The following CDH11 variants were observed in gnomAD, a reference collection of about 807,000 sequenced individuals.
CDH11 encodes cadherin-11.
In CDH11, 11 loss-of-function variants were observed where a neutral mutation model predicts 67.8. The ratio of observed to expected loss-of-function variants is 0.16; its 90% CI spans 0.10 to 0.27. CDH11 has a LOEUF of 0.27. Among genes scored for constraint, CDH11 ranks in the 10% least tolerant of loss-of-function variants. The probability of loss-of-function intolerance (pLI) is 1.00; values close to 1 mark genes in which losing one functional copy is unlikely to be tolerated. For synonymous variants in CDH11, 419 were observed against 400.0 expected, an observed-to-expected ratio of 1.05 and a Z score of -0.57; for missense variants, 847 against 1,031.2, an observed-to-expected ratio of 0.82 and a Z score of 2.45.
intron 2 of CDH11, among the ~76,000 whole-genome samples, chr16:65,034,249 C>T (rs1367529102): frequency 6.6e-6 from 1 of 152,134 alleles, no homozygotes; most frequent in Non-Finnish European, 1.5e-5. Context: ...ACAGATTGTC[C>T]CTCAGAACAC....
chr16:64,949,228 T>C (rs2071283754), intron 12 of CDH11, among the ~76,000 whole-genome samples: 1 of 152,098 alleles, frequency 6.6e-6, no homozygotes, highest in African/African-American at 2.4e-5. Flanking sequence ...TTATAATATT[T>C]ATCACATGGT....
chr16:64,984,810 T>C (rs2072444846), intron 7 of CDH11: 1 of 152,220 alleles, frequency 6.6e-6, no homozygotes, highest in Non-Finnish European at 1.5e-5. Flanking sequence ...GTTTATGATG[T>C]GACATTAAGT....
chr16:65,080,199 G>T (rs1015308759), intron 1 of CDH11, among the ~76,000 whole-genome samples: 2 of 151,154 alleles, frequency 1.3e-5, no homozygotes, highest in African/African-American at 4.9e-5. Context: ...TTGCTTGTCC[G>T]ATGTACAGTA....
chr16:65,011,048 T>C (rs1402869889), intron 2 of CDH11, among the ~76,000 whole-genome samples: 7 of 122,010 alleles, frequency 5.7e-5, no homozygotes, highest in African/African-American at 2.1e-4. Context: ...TATATGTATA[T>C]ATGTATATAT....
intron 4 of CDH11, among the ~76,000 whole-genome samples, chr16:64,997,601 G>A (rs915016015): frequency 2.6e-5 from 4 of 152,128 alleles, no homozygotes; most frequent in African/African-American, 4.8e-5. Flanking sequence ...AACACCAAGA[G>A]GCTGAAGGAC....
intron 7 of CDH11, chr16:64,986,104 A>T (rs1236268454): frequency 2.6e-5 from 4 of 152,324 alleles, no homozygotes; most frequent in African/African-American, 9.6e-5. Context: ...TAATGTCTCT[A>T]TAGACTTTTA....
chr16:65,021,375 G>T (rs2073420369), intron 2 of CDH11, among the ~76,000 whole-genome samples: 1 of 152,022 alleles, frequency 6.6e-6, no homozygotes, highest in South Asian at 2.1e-4. Context: ...CACTTCCTCT[G>T]TTTTTCCCAA....
At chr16:65,095,558 TA>T (rs1192648530) in intron 1 of CDH11, among the ~76,000 whole-genome samples, 1 of 152,164 alleles carries the variant, frequency 6.6e-6, no homozygotes, top group Non-Finnish European at 1.5e-5. Context: ...CAGTTTACTT[TA>T]AGTGTGAAAA....
chr16:64,966,621 T>C (rs1028221557), intron 11 of CDH11, among the ~76,000 whole-genome samples: 5 of 152,036 alleles, frequency 3.3e-5, no homozygotes, highest in Non-Finnish European at 7.4e-5. Flanking sequence ...AAATATTTCA[T>C]AAATAATATT....
At chr16:64,982,554 T>C in intron 7 of CDH11, 1 of 448,854 alleles carries the variant, frequency 2.2e-6, no homozygotes, top group Non-Finnish European at 4.0e-6. Context: ...ATGAAACTTA[T>C]TCTATATAGC....
intron 4 of CDH11, among the ~76,000 whole-genome samples, chr16:64,997,723 C>T (rs2072810773): frequency 6.6e-6 from 1 of 152,160 alleles, no homozygotes; most frequent in Non-Finnish European, 1.5e-5. Flanking sequence ...GCATAAAAAG[C>T]TCTGTATGCA....
chr16:65,081,923 G>C (rs2074617677), intron 1 of CDH11, among the ~76,000 whole-genome samples: 1 of 61,338 alleles, frequency 1.6e-5, no homozygotes, highest in Non-Finnish European at 3.0e-5. Context: ...CATGTCCTTG[G>C]GGGAAGGGAA....
intron 11 of CDH11, among the ~76,000 whole-genome samples, chr16:64,958,391 A>G (rs1478603917): frequency 1.6e-5 from 2 of 127,518 alleles, no homozygotes; most frequent in Admixed American, 1.8e-4. Context: ...TCATCTTGCT[A>G]TCTTATTATT....
At chr16:65,081,245 TCAAA>T (rs2074604142) in intron 1 of CDH11, among the ~76,000 whole-genome samples, 1 of 152,134 alleles carries the variant, frequency 6.6e-6, no homozygotes, top group South Asian at 2.1e-4. Context: ...GCAATGGCCA[TCAAA>T]CAATGACCTG....
chr16:64,984,534 T>C (rs557784151), intron 7 of CDH11, among the ~76,000 whole-genome samples: 1 of 152,322 alleles, frequency 6.6e-6, no homozygotes, highest in South Asian at 2.1e-4. Flanking sequence ...GCCATAAAAT[T>C]CTTAATACCC....
At chr16:64,975,376 A>G (rs563922856) in intron 8 of CDH11, among the ~76,000 whole-genome samples, 3 of 152,336 alleles carry the variant, frequency 2.0e-5, no homozygotes, top group East Asian at 3.9e-4. Context: ...AAGGAGATCA[A>G]TAACGCATGA....
chr16:65,102,882 A>C (rs2075015613), intron 1 of CDH11, among the ~76,000 whole-genome samples: 1 of 152,218 alleles, frequency 6.6e-6, no homozygotes, highest in African/African-American at 2.4e-5. Context: ...AGATGGTTTA[A>C]AAGTGTGGGG....
chr16:65,086,080 A>G (rs1233392549), intron 1 of CDH11, among the ~76,000 whole-genome samples: 3 of 151,704 alleles, frequency 2.0e-5, no homozygotes, highest in Non-Finnish European at 4.4e-5. Flanking sequence ...TGGTAGAACC[A>G]TTCCCTGTTT....
Position 65,121,093 on chromosome 16 carries a change from G to A in CDH11, c.-298+787C>T, listed in dbSNP as rs928831706. Among the ~76,000 whole-genome samples the A allele has an allele frequency of 6.6e-6, 1 of 152,156 alleles. No individual in the cohort carries two copies. The highest frequency in any genetic ancestry group is 1.5e-5 in the Non-Finnish European group (1 of 68,034). ...GTTTCGGGAAGGTGTGGTTCTCAAA[G>A]TTAACGTTGACCCTGGCAGCTTTCG... On this transcript the variant is annotated intron_variant, in intron 1 of 12. Transcript: ENST00000268603. This position sits in a 1 kb window ranked among gnomAD's most constrained non-coding sequence, Gnocchi z 4.1.
Sources: gnomAD v4.1 joint callset for allele counts (sites outside exome capture counted in the v4.1 genomes callset) on GRCh38, gnomAD v4.1.1 for gene constraint, Gnocchi (gnomAD v3.1) non-coding constraint, MANE v1.5 for transcripts, NCBI Gene and HGNC (gene_info 2026-07-23, HGNC 2026-07-21) for gene names.